The following ZMYM4 variants were observed in gnomAD, a reference collection of about 807,000 sequenced individuals.
ZMYM4 encodes zinc finger MYM-type containing 4.
In ZMYM4, 31 loss-of-function variants were observed where a neutral mutation model predicts 183.2. That is an observed-to-expected ratio of 0.17 (90% CI 0.13 to 0.23). ZMYM4 has a LOEUF of 0.23. Among genes scored for constraint, ZMYM4 ranks in the 10% least tolerant of loss-of-function variants. The pLI is 1.00. For missense variants in ZMYM4, 1,273 were observed against 1,840.3 expected (o/e 0.69, Z 5.64); for synonymous variants, 592 against 631.2 (o/e 0.94, Z 0.93).
At chr1:35,346,262 G>T (rs980500878) in intron 2 of ZMYM4, among the ~76,000 whole-genome samples, 2 of 152,160 alleles carry the variant, frequency 1.3e-5, no homozygotes, top group Non-Finnish European at 2.9e-5. Context: ...AACCAGTACT[G>T]CACCATGGTG....
At position 35,325,224 on chromosome 1, in the gene ZMYM4, A is replaced by G. The variant is rs1335848310; in HGVS notation, c.40-136A>G. On this transcript the variant is annotated intron_variant, in intron 1 of 29. Transcript: ENST00000314607. ...TAAATTTTATTTTACTCTATTTGGCAATGTTTTTGTTTATATTGTGCACTT... is the reference window on the plus strand; with the variant it reads ...TAAATTTTATTTTACTCTATTTGGCGATGTTTTTGTTTATATTGTGCACTT... The G allele has an allele frequency of 2.5e-5, 17 of 690,696 alleles. No individual in the cohort carries two copies. In the East Asian group the frequency reaches 4.8e-4, roughly 19 times the overall value. 42.8% of individuals were successfully genotyped at this position (690,696 alleles called of 1,614,324 possible). A position where few individuals can be genotyped will look rare whatever the true frequency, so the allele number is the denominator to read the frequency against.
At chr1:35,367,562 C>G (rs1186191497) in intron 5 of ZMYM4, among the ~76,000 whole-genome samples, 2 of 152,056 alleles carry the variant, frequency 1.3e-5, no homozygotes, top group Non-Finnish European at 2.9e-5. Context: ...GTTAGGATAG[C>G]ATGATATCAT....
chr1:35,309,804 ACT>A (rs1641710172), intron 1 of ZMYM4, among the ~76,000 whole-genome samples: 1 of 151,836 alleles, frequency 6.6e-6, no homozygotes, highest in African/African-American at 2.4e-5. Flanking sequence ...CCACAAAAAA[ACT>A]ACTTTAGAAT....
intron 13 of ZMYM4, among the ~76,000 whole-genome samples, chr1:35,387,961 A>G (rs1483660365): frequency 1.3e-5 from 2 of 152,168 alleles, no homozygotes; most frequent in African/African-American, 4.8e-5. Context: ...CTAAGTTTAT[A>G]CTTTTATTGT....
At chr1:35,408,206 C>T in intron 26 of ZMYM4, 47 bp downstream of exon 26, 1 of 1,604,874 alleles carries the variant, frequency 6.2e-7, no homozygotes, top group Non-Finnish European at 8.5e-7. Flanking sequence ...AATCCATTGA[C>T]CAGAATATGT....
At chr1:35,271,046 A>T (rs1429586412) in intron 1 of ZMYM4, among the ~76,000 whole-genome samples, 1 of 152,236 alleles carries the variant, frequency 6.6e-6, no homozygotes, top group East Asian at 1.9e-4. Flanking sequence ...TTGAAATTTT[A>T]AAATTTTCAA....
At chr1:35,306,233 GTTA>G (rs773145848) in intron 1 of ZMYM4, among the ~76,000 whole-genome samples, 30 of 152,206 alleles carry the variant, frequency 2.0e-4, no homozygotes, top group Admixed American at 4.6e-4. Context: ...CATCTTTTAA[GTTA>G]TTATCTTTAA....
chr1:35,368,061 G>GCAC (rs1644130246), intron 5 of ZMYM4, among the ~76,000 whole-genome samples: 1 of 98,288 alleles, frequency 1.0e-5, no homozygotes, highest in Non-Finnish European at 2.0e-5. Context: ...CAAATCCAGC[G>GCAC]CCCCCCCCCC....
At chr1:35,302,378 CTT>C (rs1179477732) in intron 1 of ZMYM4, among the ~76,000 whole-genome samples, 228 of 86,140 alleles carry the variant, frequency 2.6e-3, no homozygotes, top group Non-Finnish European at 3.8e-3. Flanking sequence ...GCTAATTTGA[CTT>C]TTTTTTTTTT....
intron 27 of ZMYM4, 85 bp downstream of exon 27, chr1:35,414,168 ATTT>A: frequency 1.2e-6 from 1 of 831,562 alleles, no homozygotes; most frequent in Non-Finnish European, 1.9e-6. Flanking sequence ...AAAATTGTTC[ATTT>A]TTATTTCTGT....
At chr1:35,385,634 A>AAT in intron 10 of ZMYM4, 42 bp downstream of exon 10, 1 of 1,553,286 alleles carries the variant, frequency 6.4e-7, no homozygotes, top group Non-Finnish European at 8.7e-7. Context: ...ATGGTTGAAA[A>AAT]ATAATGGTTA....
chr1:35,374,775 T>C (rs894301209), intron 7 of ZMYM4, among the ~76,000 whole-genome samples: 20 of 152,152 alleles, frequency 1.3e-4, no homozygotes, highest in Admixed American at 6.5e-4. Flanking sequence ...ATGCCCTCTT[T>C]CTCGTTTTAA....
At chr1:35,288,577 C>G (rs925835511) in intron 1 of ZMYM4, among the ~76,000 whole-genome samples, 1 of 152,162 alleles carries the variant, frequency 6.6e-6, no homozygotes, top group Admixed American at 6.6e-5. Flanking sequence ...ACAGCTGAGA[C>G]CAGGCTGTGA....
At position 35,389,209 on chromosome 1, in the gene ZMYM4, C is replaced by A; in HGVS notation, c.2436+127C>A. The A allele has an allele frequency of 1.1e-6, 1 of 897,082 alleles. No homozygotes were observed. Among genetic ancestry groups the A allele is most frequent in the Non-Finnish European group, 1.6e-6 (1 of 624,682 alleles). The allele number at this position is 897,082 out of a possible 1,614,324, so 55.6% of individuals were successfully genotyped here. ...TTAAGTATTAAATGTTTTATGCCTT[C>A]TAGCAATTAATATAAGATTTAGAAA... is the stretch of plus-strand genomic sequence containing the variant. On this transcript the variant is annotated intron_variant, in intron 14 of 29. Transcript: ENST00000314607. The surrounding 1 kb of genome is among the most constrained non-coding windows in gnomAD (Gnocchi z 4.0).
chr1:35,410,992 G>A (rs1272560791), intron 26 of ZMYM4, among the ~76,000 whole-genome samples: 1 of 151,800 alleles, frequency 6.6e-6, no homozygotes, highest in Non-Finnish European at 1.5e-5. Flanking sequence ...TTTATTTTGA[G>A]TTAATTTTTG....
intron 2 of ZMYM4, chr1:35,351,499 A>G (rs1418707553): frequency 4.0e-6 from 6 of 1,515,336 alleles, no homozygotes; most frequent in Non-Finnish European, 5.4e-6. Flanking sequence ...AAGAAACAAA[A>G]AAGAAGAGGT....
chr1:35,351,942 A>G lies in ZMYM4; in HGVS notation c.86-6983A>G, dbSNP rs1313557429. On this transcript the variant is annotated intron_variant, in intron 2 of 29. Transcript: ENST00000314607. ...TTCTTAAATTACTTAAAATAACTTTATTCTCCTTGTGCAAAATCTAAGTCT... is the reference window on the plus strand; with the variant it reads ...TTCTTAAATTACTTAAAATAACTTTGTTCTCCTTGTGCAAAATCTAAGTCT... Among the ~76,000 whole-genome samples the G allele has an allele frequency of 7.2e-5, 11 of 152,184 alleles. 1 individual carries two copies. Among genetic ancestry groups the G allele is most frequent in the Admixed American group, 7.2e-4 (11 of 15,276 alleles).
At chr1:35,305,104 A>G (rs1371944307) in intron 1 of ZMYM4, among the ~76,000 whole-genome samples, 2 of 152,232 alleles carry the variant, frequency 1.3e-5, no homozygotes, top group Non-Finnish European at 2.9e-5. Context: ...TTGGCCTCCC[A>G]AAGTGCTGGG....
At chr1:35,381,127 T>C (rs542272326) in intron 7 of ZMYM4, 132 bp from the exon 8 acceptor site, 27 of 729,340 alleles carry the variant, frequency 3.7e-5, no homozygotes, top group Non-Finnish European at 5.1e-5. Context: ...AAAATTAAAG[T>C]TTTTAAACTT....
Sources: gnomAD v4.1 joint callset for allele counts (sites outside exome capture counted in the v4.1 genomes callset) on GRCh38, gnomAD v4.1.1 for gene constraint, Gnocchi (gnomAD v3.1) non-coding constraint, MANE v1.5 for transcripts, NCBI Gene and HGNC (gene_info 2026-07-23, HGNC 2026-07-21) for gene names.